Variants in EPHA6 observed in about 807,000 individuals in gnomAD.
EPHA6 encodes EPH receptor A6.
In EPHA6, 50 loss-of-function variants were observed where a neutral mutation model predicts 112.0. The observed-to-expected ratio is 0.45, with a 90% CI of 0.36 to 0.56. The LOEUF (loss-of-function observed/expected upper bound fraction) is 0.56. EPHA6 is among the 20% of genes least tolerant of loss of function. The pLI is 0.00. For missense variants in EPHA6, 1,280 were observed against 1,417.4 expected (o/e 0.90, Z 1.56); for synonymous variants, 529 against 490.7 (o/e 1.08, Z -1.03).
intron 2 of EPHA6, among the ~76,000 whole-genome samples, chr3:96,984,490 C>G (rs770243503): frequency 2.6e-5 from 4 of 152,182 alleles, no homozygotes; most frequent in Admixed American, 6.5e-5. Flanking sequence ...AGTTAGGCTA[C>G]TTGGGGGTGT....
At chr3:97,655,523 A>G (rs1201673897) in intron 14 of EPHA6, among the ~76,000 whole-genome samples, 3 of 151,864 alleles carry the variant, frequency 2.0e-5, no homozygotes, top group Non-Finnish European at 2.9e-5. Context: ...AATCCAGTCT[A>G]TCATCGTTGG....
chr3:97,713,611 T>G (rs1361363322), intron 14 of EPHA6, among the ~76,000 whole-genome samples: 1 of 152,234 alleles, frequency 6.6e-6, no homozygotes, highest in African/African-American at 2.4e-5. Context: ...CTTGAGACAT[T>G]GATACGAAAT....
intron 3 of EPHA6, among the ~76,000 whole-genome samples, chr3:97,161,186 A>G (rs1405060238): frequency 6.6e-6 from 1 of 152,166 alleles, no homozygotes; most frequent in Non-Finnish European, 1.5e-5. Flanking sequence ...TTGCATGGTA[A>G]GTTGGTGGCC....
intron 3 of EPHA6, chr3:96,994,324 G>A: frequency 4.0e-6 from 1 of 250,996 alleles, no homozygotes; most frequent in African/African-American, 2.2e-5. Flanking sequence ...AATTAAGACT[G>A]TCATATTGGA....
chr3:97,610,901 C>T, intron 13 of EPHA6, 47 bp downstream of exon 13: 1 of 1,381,680 alleles, frequency 7.2e-7, no homozygotes, highest in Non-Finnish European at 1.0e-6. Context: ...ATTCTCAGTT[C>T]TATATTTAAA....
chr3:97,021,869 G>T (rs1294424014), intron 3 of EPHA6, among the ~76,000 whole-genome samples: 9 of 152,130 alleles, frequency 5.9e-5, no homozygotes, highest in Non-Finnish European at 1.3e-4. Context: ...TTGCCACTTA[G>T]ATCATCACAT....
chr3:97,001,016 T>TTATATATATATATATATATATATATATA lies in EPHA6; in HGVS notation c.1114+13023_1114+13024insTATATATATATATATATATATATATATA, dbSNP rs1334953124. ...TAAACTCTCCAGCCCAGTCAGAAAT[T>TTATATATATATATATATATATATATATA]GATATATATATATATGCATGTGTGT... is the stretch of plus-strand genomic sequence containing the variant. On this transcript the variant is annotated intron_variant, in intron 3 of 17. Transcript: ENST00000389672. 3.3e-3 allele frequency among the ~76,000 whole-genome samples: 275 copies of TTATATATATATATATATATATATATATA among 83,214 alleles called. 6 individuals are homozygous for TTATATATATATATATATATATATATATA. The highest frequency in any genetic ancestry group is 0.012 in the African/African-American group (162 of 12,984). 54.6% of individuals were successfully genotyped at this position (83,214 alleles called of 152,430 possible). A position where few individuals can be genotyped will look rare whatever the true frequency, so the allele number is the denominator to read the frequency against.
chr3:97,275,521 T>G (rs915232250), intron 5 of EPHA6, among the ~76,000 whole-genome samples: 2 of 151,996 alleles, frequency 1.3e-5, no homozygotes, highest in Non-Finnish European at 2.9e-5. Context: ...GGAGAGTATA[T>G]GGGTTTGGCA....
intron 3 of EPHA6, among the ~76,000 whole-genome samples, chr3:97,177,745 T>G (rs1000711076): frequency 1.3e-5 from 2 of 152,024 alleles, no homozygotes; most frequent in African/African-American, 4.8e-5. Flanking sequence ...AAATCTATTT[T>G]TTTCTGAGAT....
chr3:97,717,226 C>T (rs1230411598), intron 14 of EPHA6, among the ~76,000 whole-genome samples: 2 of 110,622 alleles, frequency 1.8e-5, no homozygotes, highest in Non-Finnish European at 1.7e-5. Flanking sequence ...AGTGAAACTC[C>T]ATCTCAAAAA....
intron 11 of EPHA6, among the ~76,000 whole-genome samples, chr3:97,558,520 C>T (rs1368550678): frequency 6.6e-6 from 1 of 151,914 alleles, no homozygotes; most frequent in East Asian, 1.9e-4. Context: ...TTTGTCTTTC[C>T]CCCTTTCCCC....
chr3:97,275,693 A>C (rs1225330901), intron 5 of EPHA6, among the ~76,000 whole-genome samples: 1 of 152,112 alleles, frequency 6.6e-6, no homozygotes. Flanking sequence ...AACAGGCTTT[A>C]ATCCTTTTAA....
chr3:97,222,693 C>T (rs1248673773), intron 3 of EPHA6, among the ~76,000 whole-genome samples: 2 of 152,172 alleles, frequency 1.3e-5, no homozygotes, highest in Non-Finnish European at 2.9e-5. Context: ...CCAGACCATG[C>T]ATTAAGTAGA....
intron 4 of EPHA6, among the ~76,000 whole-genome samples, chr3:97,229,365 T>A (rs898160863): frequency 1.3e-5 from 2 of 152,208 alleles, no homozygotes; most frequent in African/African-American, 2.4e-5. Context: ...TAGATTTAAG[T>A]CTTTGATCTA....
At chr3:96,976,133 A>C (rs2042511883) in intron 2 of EPHA6, among the ~76,000 whole-genome samples, 1 of 152,192 alleles carries the variant, frequency 6.6e-6, no homozygotes, top group African/African-American at 2.4e-5. Context: ...GTTGGATAAT[A>C]AGTTATATGT....
intron 10 of EPHA6, among the ~76,000 whole-genome samples, chr3:97,519,269 A>G (rs912148640): frequency 2.6e-5 from 4 of 152,102 alleles, no homozygotes; most frequent in African/African-American, 4.8e-5. Context: ...TCCCCAATGT[A>G]TGCTCTTGGC....
At chr3:97,370,631 TA>T (rs1320547258) in intron 5 of EPHA6, among the ~76,000 whole-genome samples, 1 of 152,162 alleles carries the variant, frequency 6.6e-6, no homozygotes, top group East Asian at 1.9e-4. Context: ...GTAGTGGCTA[TA>T]ATATATTTAA....
chr3:97,175,488 G>A (rs1374255900), intron 3 of EPHA6, among the ~76,000 whole-genome samples: 1 of 151,738 alleles, frequency 6.6e-6, no homozygotes, highest in Admixed American at 6.6e-5. Flanking sequence ...TGTGTAGTAT[G>A]GACATTTTAA....
At chr3:96,952,197 A>G (rs2041571466) in intron 2 of EPHA6, among the ~76,000 whole-genome samples, 1 of 152,194 alleles carries the variant, frequency 6.6e-6, no homozygotes, top group Non-Finnish European at 1.5e-5. Flanking sequence ...CGCGTGTTAA[A>G]TAGCTTGATA....
Sources: allele counts gnomAD v4.1 joint callset (sites outside exome capture counted in the v4.1 genomes callset), GRCh38; gene constraint gnomAD v4.1.1; transcripts MANE v1.5; gene names NCBI Gene and HGNC (gene_info 2026-07-23, HGNC 2026-07-21).